Variants in IL1RAP observed in about 807,000 individuals in gnomAD.
IL1RAP encodes interleukin-1 receptor accessory protein.
Under a neutral mutation model 60.7 loss-of-function variants are expected in IL1RAP, and 35 were observed. The ratio of observed to expected loss-of-function variants is 0.58; its 90% confidence interval spans 0.44 to 0.76. The LOEUF is 0.76. IL1RAP is among the 30% of genes least tolerant of loss of function. IL1RAP has a pLI of 0.00. For missense variants in IL1RAP, 572 were observed against 693.9 expected, an observed-to-expected ratio of 0.82 and a Z score of 1.97; for synonymous variants, 268 against 250.9, an observed-to-expected ratio of 1.07 and a Z score of -0.64.
At chr3:190,528,772 G>A (rs1174152328) in intron 1 of IL1RAP, among the ~76,000 whole-genome samples, 1 of 152,208 alleles carries the variant, frequency 6.6e-6, no homozygotes, top group African/African-American at 2.4e-5. Context: ...AAAGACAATT[G>A]TGTAACTCAG....
At chr3:190,574,785 C>T (rs376409928) in intron 3 of IL1RAP, among the ~76,000 whole-genome samples, 3 of 152,134 alleles carry the variant, frequency 2.0e-5, no homozygotes, top group Admixed American at 6.5e-5. Context: ...TTATCTTTCT[C>T]GGAAACGATC....
intron 3 of IL1RAP, among the ~76,000 whole-genome samples, chr3:190,575,599 G>C (rs1240544187): frequency 6.6e-6 from 1 of 152,202 alleles, no homozygotes; most frequent in Non-Finnish European, 1.5e-5. Context: ...GGTTGCAGGA[G>C]CTTTGAGAAC....
At chr3:190,645,953 C>T (rs761598146) in intron 11 of IL1RAP, 111 bp downstream of exon 11, 15 of 898,374 alleles carry the variant, frequency 1.7e-5, no homozygotes, top group South Asian at 3.7e-5. Context: ...ATTTAATGTC[C>T]GATGCTCTTT....
At chr3:190,552,176 T>C (rs1314885869) in intron 1 of IL1RAP, among the ~76,000 whole-genome samples, 1 of 152,162 alleles carries the variant, frequency 6.6e-6, no homozygotes, top group Non-Finnish European at 1.5e-5. Context: ...TGTTCTGAAA[T>C]AGAATTCCAG....
At position 190,615,325 on chromosome 3, in the gene IL1RAP, A is replaced by G. The variant is rs530802554; in HGVS notation, c.538-4950A>G. On this transcript the variant is annotated intron_variant, in intron 5 of 11. Transcript: ENST00000447382. ...GACTGCCTTGTTTATTCACATAGGA[A>G]CCTCCAAACATATAGAAGTAAAGAC... The G allele has an allele frequency of 1.3e-5, 17 of 1,278,966 alleles. No homozygotes were observed. The Admixed American group carries it at 1.6e-4, about 12-fold the overall frequency. 79.2% of individuals were successfully genotyped at this position (1,278,966 alleles called of 1,614,324 possible).
intron 3 of IL1RAP, among the ~76,000 whole-genome samples, chr3:190,580,470 A>T: frequency 6.6e-6 from 1 of 152,228 alleles, no homozygotes; most frequent in East Asian, 1.9e-4. Context: ...AGTGTCAGTC[A>T]GCCCTAAGAA....
At chr3:190,642,351 G>GAGTAGCTTTT (rs1447155125) in intron 9 of IL1RAP, 1 of 155,598 alleles carries the variant, frequency 6.4e-6, no homozygotes, top group Non-Finnish European at 1.4e-5. Flanking sequence ...TTTTGTCAAG[G>GAGTAGCTTTT]GTATAGGAGT....
intron 1 of IL1RAP, among the ~76,000 whole-genome samples, chr3:190,545,163 C>G (rs1724261230): frequency 6.6e-6 from 1 of 152,144 alleles, no homozygotes; most frequent in Admixed American, 6.5e-5. Flanking sequence ...TTTCCGGAAT[C>G]TGAAGAAACA....
chr3:190,586,046 A>C (rs1387008374), intron 3 of IL1RAP, among the ~76,000 whole-genome samples: 3 of 152,060 alleles, frequency 2.0e-5, no homozygotes, highest in Non-Finnish European at 4.4e-5. Flanking sequence ...TTGGAGGAGG[A>C]GTCAGTGCAC....
intron 2 of IL1RAP, among the ~76,000 whole-genome samples, chr3:190,561,246 G>A (rs188528862): frequency 6.6e-6 from 1 of 152,246 alleles, no homozygotes; most frequent in East Asian, 1.9e-4. Flanking sequence ...AAATTCTAAG[G>A]CTGAATACAA....
intron 1 of IL1RAP, among the ~76,000 whole-genome samples, chr3:190,533,200 G>A (rs893817551): frequency 6.6e-6 from 1 of 152,048 alleles, no homozygotes; most frequent in Non-Finnish European, 1.5e-5. Flanking sequence ...ACATGACAAG[G>A]GATTTGGGTC....
rs1217265865 is a variant in IL1RAP at position 190,620,295 on chromosome 3, T to A, written c.558T>A (p.Asn186Lys). 3.2e-6 allele frequency: 5 copies of A among 1,567,092 alleles called. No homozygotes were observed. In the African/African-American group the frequency reaches 5.5e-5, roughly 17 times the overall value. Residue 186 changes from asparagine to lysine, a missense_variant, in exon 6 of 12, where the codon AAT (asparagine) becomes AAA (lysine). Transcript: ENST00000447382. ...TWYMGCYKIQ[N>K]FNNVIPEGMN... ...TCTAGGGCTGTTATAAAATACAGAA[T>A]TTTAATAATGTAATACCCGAAGGTA...
intron 1 of IL1RAP, among the ~76,000 whole-genome samples, chr3:190,547,891 A>G (rs1477123202): frequency 6.6e-6 from 1 of 152,174 alleles, no homozygotes; most frequent in Non-Finnish European, 1.5e-5. Flanking sequence ...TCTCTGTGTA[A>G]TGGAGAATGA....
chr3:190,558,509 G>T (rs1725620948), intron 2 of IL1RAP, among the ~76,000 whole-genome samples: 1 of 152,088 alleles, frequency 6.6e-6, no homozygotes, highest in Non-Finnish European at 1.5e-5. Flanking sequence ...TCTCCTTGTG[G>T]TTTTAATTTG....
At chr3:190,515,108 G>T (rs1385348684) in intron 1 of IL1RAP, among the ~76,000 whole-genome samples, 1 of 152,176 alleles carries the variant, frequency 6.6e-6, no homozygotes, top group Non-Finnish European at 1.5e-5. Context: ...CAGATCCCTG[G>T]TTTAGCTACT....
At chr3:190,524,561 C>T (rs1428674356) in intron 1 of IL1RAP, among the ~76,000 whole-genome samples, 3 of 152,098 alleles carry the variant, frequency 2.0e-5, no homozygotes, top group African/African-American at 7.2e-5. Flanking sequence ...TAGCCAGTTA[C>T]CCCAGCATTA....
At chr3:190,580,489 A>T (rs1166565123) in intron 3 of IL1RAP, among the ~76,000 whole-genome samples, 2 of 152,212 alleles carry the variant, frequency 1.3e-5, no homozygotes, top group African/African-American at 4.8e-5. Context: ...AAAGGAGGAA[A>T]TCCTGCCATA....
chr3:190,555,215 G>T (rs1725301135), intron 1 of IL1RAP, among the ~76,000 whole-genome samples: 1 of 152,004 alleles, frequency 6.6e-6, no homozygotes, highest in Admixed American at 6.6e-5. Flanking sequence ...TCTGTTTTGG[G>T]CCTGTGGTGG....
At chr3:190,540,104 C>G (rs1434948687) in intron 1 of IL1RAP, among the ~76,000 whole-genome samples, 1 of 152,060 alleles carries the variant, frequency 6.6e-6, no homozygotes, top group Non-Finnish European at 1.5e-5. Context: ...AAAGAGAAAA[C>G]ACTGTCATAG....
Sources: allele counts gnomAD v4.1 joint callset (sites outside exome capture counted in the v4.1 genomes callset), GRCh38; gene constraint gnomAD v4.1.1; transcripts MANE v1.5; gene names NCBI Gene and HGNC (gene_info 2026-07-23, HGNC 2026-07-21).